CELF2: variants seen among roughly 807,000 people sequenced by gnomAD.
CELF2 encodes CUGBP Elav-like family member 2.
CELF2 carries 8 observed loss-of-function variants against 62.6 expected under a neutral mutation model. The observed-to-expected ratio is 0.13, with a 90% confidence interval of 0.07 to 0.23. CELF2 has a LOEUF of 0.23. Among genes scored for constraint, CELF2 ranks in the 10% least tolerant of loss-of-function variants. The probability of loss-of-function intolerance (pLI) is 1.00; values close to 1 mark genes in which losing one functional copy is unlikely to be tolerated. For missense variants in CELF2, 333 were observed against 671.0 expected (o/e 0.50, Z 5.56); for synonymous variants, 258 against 250.0 (o/e 1.03, Z -0.30).
At chr10:11,038,208 C>T (rs1404952018) in intron 1 of CELF2, among the ~76,000 whole-genome samples, 2 of 152,200 alleles carry the variant, frequency 1.3e-5, no homozygotes, top group Admixed American at 6.5e-5. Flanking sequence ...CTGAGGTCAG[C>T]GTTCAGGGGG....
intron 2 of CELF2, among the ~76,000 whole-genome samples, chr10:10,988,280 TA>T (rs1460643606): frequency 9.0e-6 from 1 of 111,662 alleles, no homozygotes; most frequent in Non-Finnish European, 1.7e-5. Context: ...TGTGTGTGTA[TA>T]TATATATATA....
At chr10:10,746,827 G>T in the CELF2 span, among the ~76,000 whole-genome samples, 1 of 152,094 alleles carries the variant, frequency 6.6e-6, no homozygotes, top group South Asian at 2.1e-4. Flanking sequence ...TAACTGTTTA[G>T]GTTGGTTTTG....
At chr10:10,660,786 A>AT in the CELF2 span, among the ~76,000 whole-genome samples, 69 of 152,230 alleles carry the variant, frequency 4.5e-4, no homozygotes, top group Non-Finnish European at 7.5e-4. Flanking sequence ...TATGACATTC[A>AT]TTTTTTAAAG....
At chr10:10,975,393 C>T (rs2051213768) in intron 2 of CELF2, among the ~76,000 whole-genome samples, 1 of 152,188 alleles carries the variant, frequency 6.6e-6, no homozygotes, top group African/African-American at 2.4e-5. Flanking sequence ...AGGTCTCCCT[C>T]AAAGTGTTGA....
chr10:10,974,092 G>A (rs1458870980), intron 2 of CELF2, among the ~76,000 whole-genome samples: 5 of 152,128 alleles, frequency 3.3e-5, no homozygotes, highest in African/African-American at 1.2e-4. Flanking sequence ...GGGTGACTTT[G>A]GACATGGCAT....
intron 2 of CELF2, among the ~76,000 whole-genome samples, chr10:10,929,263 T>C (rs927140658): frequency 2.0e-5 from 3 of 152,230 alleles, no homozygotes; most frequent in African/African-American, 4.8e-5. Flanking sequence ...TCCTTAATCA[T>C]GTGGACTTAA....
chr10:10,553,009 C>T, the CELF2 span, among the ~76,000 whole-genome samples: 112 of 152,206 alleles, frequency 7.4e-4, no homozygotes, highest in African/African-American at 2.4e-3. Flanking sequence ...AGAGGAAGCT[C>T]TCTGGTGCCT....
At chr10:11,125,374 G>A (rs1352088503) in intron 1 of CELF2, among the ~76,000 whole-genome samples, 1 of 151,840 alleles carries the variant, frequency 6.6e-6, no homozygotes, top group Admixed American at 6.6e-5. Flanking sequence ...TTGTAATGTG[G>A]CCATAGGGTG....
intron 4 of CELF2, among the ~76,000 whole-genome samples, chr10:11,254,212 A>G (rs1464728207): frequency 6.6e-6 from 1 of 152,262 alleles, no homozygotes; most frequent in Non-Finnish European, 1.5e-5. Context: ...GAAAACCAAA[A>G]AAACTCAGAA....
At position 10,997,803 on chromosome 10, in the gene CELF2, T is replaced by G. The variant is rs886894869; in HGVS notation, c.89+77804T>G. On this transcript the variant is annotated intron_variant, in intron 2 of 13. Coordinates refer to the CELF2 transcript ENST00000636488. The surrounding 1 kb of genome is among the most constrained non-coding windows in gnomAD (Gnocchi z 5.3). ...CTCACTTGTAGGGTGGTCTTCCCAC[T>G]GCCCTTCCTTCCTGTCTCGAGACTC... Among the ~76,000 whole-genome samples the G allele has an allele frequency of 4.6e-5, 7 of 152,216 alleles. No homozygotes were observed. The South Asian group carries it at 8.3e-4, about 18-fold the overall frequency.
At chr10:10,650,640 T>C in the CELF2 span, among the ~76,000 whole-genome samples, 1 of 152,204 alleles carries the variant, frequency 6.6e-6, no homozygotes, top group African/African-American at 2.4e-5. Flanking sequence ...AACTTCATAC[T>C]CTCTAGGATG....
the CELF2 span, among the ~76,000 whole-genome samples, chr10:10,492,907 T>A: frequency 4.9e-5 from 1 of 20,342 alleles, no homozygotes; most frequent in South Asian, 1.7e-3. Context: ...GGAAATCCCT[T>A]TCACTTGGTT....
intron 3 of CELF2, among the ~76,000 whole-genome samples, chr10:11,240,472 C>A (rs2073438301): frequency 6.6e-6 from 1 of 152,198 alleles, no homozygotes; most frequent in South Asian, 2.1e-4. Flanking sequence ...AGACAGCTGG[C>A]CCTGTGAAAG....
chr10:11,227,659 A>G lies in CELF2; in HGVS notation c.354+10152A>G, dbSNP rs2067091037. Among the ~76,000 whole-genome samples the G allele has an allele frequency of 6.6e-6, 1 of 152,198 alleles. No homozygotes were observed. The highest frequency in any genetic ancestry group is 2.4e-5 in the African/African-American group (1 of 41,448). On this transcript the variant is annotated intron_variant, in intron 3 of 12. Transcript: ENST00000633077. This position sits in a 1 kb window ranked among gnomAD's most constrained non-coding sequence, Gnocchi z 4.8. ...GGATAGAGATGTATCATGAGGTGGA[A>G]GCTCAGGCTACCTCTATCTTAGTTA...
At position 11,165,807 on chromosome 10, in the gene CELF2, T is replaced by C. The variant is rs2066927888; in HGVS notation, c.271+125T>C. ...CAGGAGGGCTGGAAGCAGCCGGTGC[T>C]GGCGGCCCCTGTGCTCCAGGGGCTG... On this transcript the variant is annotated intron_variant, in intron 2 of 12. Transcript: ENST00000633077. The surrounding 1 kb of genome is among the most constrained non-coding windows in gnomAD (Gnocchi z 7.4). The C allele has an allele frequency of 1.1e-6, 1 of 877,438 alleles. No individual in the cohort carries two copies. The highest frequency in any genetic ancestry group is 1.7e-6 in the Non-Finnish European group (1 of 592,564). 54.4% of individuals were successfully genotyped at this position (877,438 alleles called of 1,614,324 possible). A position where few individuals can be genotyped will look rare whatever the true frequency, so the allele number is the denominator to read the frequency against.
intron 1 of CELF2, among the ~76,000 whole-genome samples, chr10:10,806,792 CTAG>C: frequency 6.6e-6 from 1 of 152,232 alleles, no homozygotes; most frequent in Non-Finnish European, 1.5e-5. Context: ...CTCAAGAAAA[CTAG>C]AAGAGTATTT....
chr10:10,656,112 A>T, the CELF2 span, among the ~76,000 whole-genome samples: 2 of 147,146 alleles, frequency 1.4e-5, no homozygotes, highest in East Asian at 1.9e-4. Context: ...CAAAAAACAC[A>T]TGAAAAAATG....
Position 10,993,856 on chromosome 10 carries a change from A to G in CELF2, c.89+73857A>G, listed in dbSNP as rs1342914384. Among the ~76,000 whole-genome samples the G allele has an allele frequency of 6.6e-6, 1 of 152,114 alleles. No homozygotes were observed. Among genetic ancestry groups the G allele is most frequent in the East Asian group, 1.9e-4 (1 of 5,202 alleles). ...TTTAAGGAAGTAATTAGAGTTAATG[A>G]TGTCATAGGTGTGGGGCCCCAATCC... On this transcript the variant is annotated intron_variant, in intron 2 of 13. Coordinates refer to the CELF2 transcript ENST00000636488. This position sits in a 1 kb window ranked among gnomAD's most constrained non-coding sequence, Gnocchi z 5.3.
chr10:11,192,644 G>A (rs4994871), intron 2 of CELF2, among the ~76,000 whole-genome samples: 3 of 152,256 alleles, frequency 2.0e-5, no homozygotes, highest in East Asian at 3.9e-4. Flanking sequence ...GTGGAGATCC[G>A]ATCTGGACAG....
Sources: allele counts gnomAD v4.1 joint callset (sites outside exome capture counted in the v4.1 genomes callset), GRCh38; gene constraint gnomAD v4.1.1; non-coding constraint Gnocchi (gnomAD v3.1); transcripts MANE v1.5; gene names NCBI Gene and HGNC (gene_info 2026-07-23, HGNC 2026-07-21).